DLG2: variants seen among roughly 807,000 people sequenced by gnomAD.
DLG2 encodes the protein discs large MAGUK scaffold protein 2.
DLG2 carries 45 observed loss-of-function variants against 132.5 expected under a neutral mutation model. The observed-to-expected ratio is 0.34, with a 90% confidence interval of 0.27 to 0.44. DLG2 has a LOEUF of 0.44. DLG2 is among the 20% of genes least tolerant of loss of function. DLG2 has a pLI of 1.00. For missense variants in DLG2, 1,045 were observed against 1,196.9 expected, an observed-to-expected ratio of 0.87 and a Z score of 1.87; for synonymous variants, 424 against 419.6, an observed-to-expected ratio of 1.01 and a Z score of -0.13.
At chr11:84,490,570 C>G (rs975911249) in intron 7 of DLG2, among the ~76,000 whole-genome samples, 2 of 147,210 alleles carry the variant, frequency 1.4e-5, no homozygotes, top group Non-Finnish European at 3.0e-5. Flanking sequence ...TGGAAATAGG[C>G]TATTGATGTC....
chr11:84,808,169 T>G (rs2076201931), intron 6 of DLG2, among the ~76,000 whole-genome samples: 1 of 151,748 alleles, frequency 6.6e-6, no homozygotes, highest in Admixed American at 6.6e-5. Context: ...AAAGCAAAAT[T>G]AAAGATAACA....
chr11:84,776,582 T>G (rs930987915), intron 6 of DLG2, among the ~76,000 whole-genome samples: 1 of 152,208 alleles, frequency 6.6e-6, no homozygotes, highest in Admixed American at 6.5e-5. Context: ...AATCCATATG[T>G]CCTGGCAACC....
At chr11:83,510,591 T>A (rs1592147518) in intron 21 of DLG2, among the ~76,000 whole-genome samples, 1 of 151,786 alleles carries the variant, frequency 6.6e-6, no homozygotes, top group East Asian at 1.9e-4. Context: ...CGCTAGGGAG[T>A]TTGGTCATGC....
chr11:84,485,670 G>T (rs2099148874), intron 7 of DLG2, among the ~76,000 whole-genome samples: 1 of 152,156 alleles, frequency 6.6e-6, no homozygotes, highest in Admixed American at 6.5e-5. Flanking sequence ...TAAAGGTTTT[G>T]TGAGAAGTAA....
At chr11:84,894,982 C>T (rs562328775) in intron 6 of DLG2, among the ~76,000 whole-genome samples, 1 of 152,268 alleles carries the variant, frequency 6.6e-6, no homozygotes, top group Admixed American at 6.5e-5. Flanking sequence ...ACTTGAATCC[C>T]TAGTACAAAC....
At chr11:85,135,562 T>C (rs2076088704) in intron 5 of DLG2, among the ~76,000 whole-genome samples, 1 of 152,194 alleles carries the variant, frequency 6.6e-6, no homozygotes, top group African/African-American at 2.4e-5. Context: ...AGGAAAGCAC[T>C]TTGTAAACTA....
intron 3 of DLG2, among the ~76,000 whole-genome samples, chr11:85,356,380 A>G (rs184518147): frequency 6.7e-4 from 102 of 151,674 alleles, no homozygotes; most frequent in African/African-American, 2.4e-3. Flanking sequence ...TTTTTTTTAC[A>G]TAATGATGAG....
At chr11:83,609,775 A>C (rs895169458) in intron 19 of DLG2, among the ~76,000 whole-genome samples, 2 of 152,186 alleles carry the variant, frequency 1.3e-5, no homozygotes, top group Non-Finnish European at 2.9e-5. Context: ...GTTTGCTCCT[A>C]AACTAGCCAT....
intron 11 of DLG2, among the ~76,000 whole-genome samples, chr11:84,056,232 A>ACC (rs1381033309): frequency 1.3e-5 from 2 of 151,670 alleles, no homozygotes; most frequent in Non-Finnish European, 2.9e-5. Context: ...CTTCCCCACA[A>ACC]CCCCGGAACA....
At chr11:84,349,311 G>A (rs192574689) in intron 7 of DLG2, among the ~76,000 whole-genome samples, 5 of 152,144 alleles carry the variant, frequency 3.3e-5, no homozygotes, top group South Asian at 4.2e-4. Flanking sequence ...GATGTACTAT[G>A]GCCACCCCCT....
intron 3 of DLG2, among the ~76,000 whole-genome samples, chr11:85,406,842 G>C (rs1427163632): frequency 1.3e-5 from 2 of 151,492 alleles, no homozygotes; most frequent in East Asian, 1.9e-4. Context: ...ATGGTGCTAA[G>C]AACTATGAGG....
chr11:83,583,932 T>C (rs1361607993), intron 19 of DLG2, among the ~76,000 whole-genome samples: 1 of 152,230 alleles, frequency 6.6e-6, no homozygotes, highest in Non-Finnish European at 1.5e-5. Context: ...GAATTTTGGC[T>C]GACTGGTCAG....
intron 6 of DLG2, among the ~76,000 whole-genome samples, chr11:84,695,810 T>C (rs1208378458): frequency 1.3e-5 from 2 of 151,460 alleles, no homozygotes; most frequent in African/African-American, 2.4e-5. Flanking sequence ...GAGTAATACA[T>C]GTAGGTGTTT....
intron 16 of DLG2, among the ~76,000 whole-genome samples, chr11:83,836,463 A>G (rs1803127808): frequency 6.6e-6 from 1 of 152,170 alleles, no homozygotes; most frequent in South Asian, 2.1e-4. Flanking sequence ...TCTATCTTCA[A>G]GCAACTAATG....
Position 84,350,050 on chromosome 11 carries a change from C to T in DLG2, c.520-98759G>A, listed in dbSNP as rs769133829. Among the ~76,000 whole-genome samples the T allele has an allele frequency of 1.8e-4, 28 of 151,566 alleles. 1 individual carries two copies. Among genetic ancestry groups the T allele is most frequent in the Admixed American group, 8.5e-4 (13 of 15,208 alleles). ...AAAATTAGCGGGGCGTGGTGGTGGG[C>T]GCCTGTAGTCCCAGCTGCTCGGGAG... On this transcript the variant is annotated intron_variant, in intron 7 of 27. Transcript: ENST00000376104.
In DLG2 at chr11:83,458,994, A is replaced by G. The variant is rs2089414763; in HGVS notation, c.*824T>C. The G allele has an allele frequency of 1.3e-5, 2 of 152,314 alleles. No individual in the cohort carries two copies. Among genetic ancestry groups the G allele is most frequent in the African/African-American group, 2.4e-5 (1 of 41,466 alleles). The allele number at this position is 152,314 out of a possible 1,614,324, so 9.4% of individuals were successfully genotyped here. A position where few individuals can be genotyped will look rare whatever the true frequency, so the allele number is the denominator to read the frequency against. Reference sequence around the variant, plus strand: ...GTGCAACTTTCAGGTCTTGAATTTGATCATCTGCTGATGTTGCATACATTT... The same window carrying G: ...GTGCAACTTTCAGGTCTTGAATTTGGTCATCTGCTGATGTTGCATACATTT... On this transcript the variant is annotated 3_prime_UTR_variant, in exon 28 of 28. Transcript: ENST00000376104.
intron 4 of DLG2, among the ~76,000 whole-genome samples, chr11:85,253,223 C>G (rs2076486434): frequency 6.6e-6 from 1 of 152,138 alleles, no homozygotes; most frequent in African/African-American, 2.4e-5. Context: ...ATTAAATGGA[C>G]AGGTTGACCC....
At chr11:84,246,113 G>C (rs572224993) in intron 8 of DLG2, among the ~76,000 whole-genome samples, 8 of 152,290 alleles carry the variant, frequency 5.3e-5, no homozygotes, top group African/African-American at 1.9e-4. Context: ...AGCCAACCTG[G>C]TACAATGGCA....
intron 18 of DLG2, among the ~76,000 whole-genome samples, chr11:83,747,366 G>GTCTCTC (rs112374522): frequency 3.0e-5 from 4 of 131,424 alleles, no homozygotes; most frequent in Middle Eastern, 3.6e-3. Flanking sequence ...CTTCCTTCCT[G>GTCTCTC]TCTCTCTCTC....
Sources: allele counts gnomAD v4.1 joint callset (sites outside exome capture counted in the v4.1 genomes callset), GRCh38; gene constraint gnomAD v4.1.1; transcripts MANE v1.5; gene names NCBI Gene and HGNC (gene_info 2026-07-23, HGNC 2026-07-21).